EXOC2: variants seen among roughly 807,000 people sequenced by gnomAD.
EXOC2 encodes SEC5-like 1.
A neutral mutation model predicts 131.8 loss-of-function variants in EXOC2; 70 were observed. The ratio of observed to expected loss-of-function variants is 0.53; its 90% CI spans 0.44 to 0.65. The LOEUF is 0.65. EXOC2 is among the 30% of genes least tolerant of loss of function. The probability of loss-of-function intolerance (pLI) is 0.00; values close to 1 mark genes in which losing one functional copy is unlikely to be tolerated. For synonymous variants in EXOC2, 411 were observed against 398.4 expected (o/e 1.03, Z -0.38); for missense variants, 923 against 1,108.6 (o/e 0.83, Z 2.38).
chr6:640,465 A>G (rs1762303865), intron 1 of EXOC2, among the ~76,000 whole-genome samples: 1 of 152,250 alleles, frequency 6.6e-6, no homozygotes, highest in Non-Finnish European at 1.5e-5. Flanking sequence ...TATGGCCTGA[A>G]TTATGCCCAC....
At chr6:659,581 G>A (rs777535255) in intron 1 of EXOC2, among the ~76,000 whole-genome samples, 5 of 152,270 alleles carry the variant, frequency 3.3e-5, no homozygotes, top group East Asian at 1.9e-4. Flanking sequence ...TTCCTCTCCC[G>A]AACACACACT....
At chr6:593,296 T>C (rs1053714792) in intron 10 of EXOC2, among the ~76,000 whole-genome samples, 1 of 152,142 alleles carries the variant, frequency 6.6e-6, no homozygotes, top group African/African-American at 2.4e-5. Flanking sequence ...AGATGTTTTT[T>C]AATTCCTTTC....
At chr6:507,903 T>C (rs1764651771) in intron 23 of EXOC2, among the ~76,000 whole-genome samples, 1 of 152,358 alleles carries the variant, frequency 6.6e-6, no homozygotes, top group East Asian at 1.9e-4. Context: ...TCTTCGTCCT[T>C]AATTTTTTAT....
chr6:571,307 T>C (rs1448594032), intron 13 of EXOC2, among the ~76,000 whole-genome samples: 6 of 152,154 alleles, frequency 3.9e-5, no homozygotes, highest in African/African-American at 1.4e-4. Context: ...ACACGATTGG[T>C]TTTTCTGCAC....
chr6:673,850 A>C (rs1455159884), intron 1 of EXOC2, among the ~76,000 whole-genome samples: 1 of 152,228 alleles, frequency 6.6e-6, no homozygotes, highest in Admixed American at 6.5e-5. Context: ...AAGTGAGCAC[A>C]TGCTGTTGGA....
intron 4 of EXOC2, among the ~76,000 whole-genome samples, chr6:626,884 C>T (rs559679641): frequency 2.0e-5 from 3 of 152,332 alleles, no homozygotes; most frequent in Admixed American, 2.0e-4. Flanking sequence ...TGAGCCACCA[C>T]GCCCGGCCGC....
chr6:495,261 G>GACTAC (rs1763651965), intron 25 of EXOC2, among the ~76,000 whole-genome samples: 1 of 152,004 alleles, frequency 6.6e-6, no homozygotes, highest in African/African-American at 2.4e-5. Flanking sequence ...GAGTAGCTGG[G>GACTAC]ACTACAGGCG....
chr6:503,299 A>T (rs1027144874), intron 23 of EXOC2, among the ~76,000 whole-genome samples: 1 of 152,162 alleles, frequency 6.6e-6, no homozygotes, highest in Non-Finnish European at 1.5e-5. Flanking sequence ...CACATGGCAG[A>T]GGTGCTCAAG....
Position 546,149 on chromosome 6 carries a change from C to A in EXOC2, c.2238+3026G>T, listed in dbSNP as rs112791971. On this transcript the variant is annotated intron_variant, in intron 22 of 27. Transcript: ENST00000230449. ...TTTTTTAGACTTCCCAATATTTTTTCTTTTTAAGAATAACGGTTGGATCTT... is the reference window on the plus strand; with the variant it reads ...TTTTTTAGACTTCCCAATATTTTTTATTTTTAAGAATAACGGTTGGATCTT... Among the ~76,000 whole-genome samples the A allele has an allele frequency of 3.5e-3, 527 of 150,350 alleles. 3 individuals carry two copies. The highest frequency in any genetic ancestry group is 0.012 in the African/African-American group (508 of 40,974).
intron 10 of EXOC2, among the ~76,000 whole-genome samples, chr6:595,958 G>C (rs1759792132): frequency 6.6e-6 from 1 of 152,114 alleles, no homozygotes; most frequent in Non-Finnish European, 1.5e-5. Context: ...TCTTATGGAG[G>C]CAGCTTAGAG....
intron 1 of EXOC2, among the ~76,000 whole-genome samples, chr6:664,633 CA>C (rs2127765770): frequency 6.6e-6 from 1 of 152,248 alleles, no homozygotes; most frequent in African/African-American, 2.4e-5. Flanking sequence ...GAAATAAAGC[CA>C]AATACTTACA....
Position 637,881 on chromosome 6 carries a change from A to G in EXOC2, c.-43-20T>C. The G allele has an allele frequency of 6.8e-7, 1 of 1,467,966 alleles. No individual in the cohort carries two copies. Among genetic ancestry groups the G allele is most frequent in the Admixed American group, 1.8e-5 (1 of 56,992 alleles). The allele number at this position is 1,467,966 out of a possible 1,614,324, so 90.9% of individuals were successfully genotyped here. A position where few individuals can be genotyped will look rare whatever the true frequency, so the allele number is the denominator to read the frequency against. On this transcript the variant is annotated intron_variant, in intron 1 of 27. Transcript: ENST00000230449. ...AGTAATCTGTTAAAAGAGAAAGAAA[A>G]AAGGATTAGTACCAACTGAGACAAG...
At chr6:537,724 C>T (rs1041206625) in intron 22 of EXOC2, among the ~76,000 whole-genome samples, 1 of 152,172 alleles carries the variant, frequency 6.6e-6, no homozygotes. Flanking sequence ...AATGATTAAA[C>T]AAAATCTGGT....
At chr6:546,056 A>G (rs1756835805) in intron 22 of EXOC2, among the ~76,000 whole-genome samples, 2 of 152,186 alleles carry the variant, frequency 1.3e-5, no homozygotes, top group African/African-American at 4.8e-5. Flanking sequence ...AGTCATGGTT[A>G]CTATAAATAT....
rs753361218 is a variant in EXOC2 at position 506,413 on chromosome 6, T to C, written c.2381-6713A>G. On this transcript the variant is annotated intron_variant, in intron 23 of 27. Coordinates refer to ENST00000230449, the MANE Select transcript of EXOC2 (RefSeq NM_018303.6). This position sits in a 1 kb window ranked among gnomAD's most constrained non-coding sequence, Gnocchi z 4.4. ...AGGGAGGGATCATCAGTGTGGACAG[T>C]GTGCCAAGAAAAATACAAGGCAAAC... is the stretch of plus-strand genomic sequence containing the variant. Among the ~76,000 whole-genome samples the C allele has an allele frequency of 2.6e-4, 40 of 152,188 alleles. No individual in the cohort carries two copies. Among genetic ancestry groups the C allele is most frequent in the Non-Finnish European group, 5.0e-4 (34 of 68,016 alleles).
chr6:498,508 T>C (rs1395397959), intron 24 of EXOC2, among the ~76,000 whole-genome samples: 1 of 152,240 alleles, frequency 6.6e-6, no homozygotes, highest in African/African-American at 2.4e-5. Context: ...TAAAAAGATC[T>C]ATGTGGTGAC....
At chr6:573,239 T>C (rs796977734) in intron 12 of EXOC2, among the ~76,000 whole-genome samples, 8 of 152,358 alleles carry the variant, frequency 5.3e-5, no homozygotes, top group African/African-American at 1.4e-4. Flanking sequence ...TCATTTAACA[T>C]AGCTATTGCT....
intron 27 of EXOC2, among the ~76,000 whole-genome samples, chr6:487,607 A>G (rs1180209460): frequency 1.3e-5 from 2 of 152,088 alleles, no homozygotes; most frequent in Non-Finnish European, 2.9e-5. Context: ...GGGTTTTACC[A>G]TGTTGGCCAG....
chr6:588,377 G>A (rs976039696), intron 11 of EXOC2, among the ~76,000 whole-genome samples: 5 of 152,194 alleles, frequency 3.3e-5, no homozygotes, highest in Non-Finnish European at 5.9e-5. Flanking sequence ...GAGATGGAGT[G>A]AGTCTCACTC....
Sources: gnomAD v4.1 joint callset for allele counts (sites outside exome capture counted in the v4.1 genomes callset) on GRCh38, gnomAD v4.1.1 for gene constraint, Gnocchi (gnomAD v3.1) non-coding constraint, MANE v1.5 for transcripts, NCBI Gene and HGNC (gene_info 2026-07-23, HGNC 2026-07-21) for gene names.